CCSER1: variants seen among roughly 807,000 people sequenced by gnomAD.
CCSER1 encodes serine-rich coiled-coil domain-containing protein 1.
CCSER1 carries 41 observed loss-of-function variants against 82.0 expected under a neutral mutation model. That is an observed-to-expected ratio of 0.50 (90% CI 0.39 to 0.65). The LOEUF (loss-of-function observed/expected upper bound fraction) is 0.65, where lower values mean the gene tolerates loss of function less well. Ranked by LOEUF, CCSER1 falls within the 30% of genes least tolerant of loss-of-function variation. CCSER1 has a pLI of 0.00. For synonymous variants in CCSER1, 414 were observed against 383.9 expected, an observed-to-expected ratio of 1.08 and a Z score of -0.92; for missense variants, 1,119 against 1,064.2, an observed-to-expected ratio of 1.05 and a Z score of -0.72.
At position 90,258,908 on chromosome 4, in the gene CCSER1, G is replaced by T. The variant is rs144693111; in HGVS notation, c.-41-49336G>T. The stretch of plus-strand genomic sequence containing the variant: ...GCCTTGTAGTATAATTTGAAGTCTG[G>T]CAATGTGATACCTCCAGATTTGTTC... On this transcript the variant is annotated intron_variant, in intron 1 of 10. Transcript: ENST00000509176. 9.9e-5 allele frequency among the ~76,000 whole-genome samples: 15 copies of T among 152,164 alleles called. No individual in the cohort carries two copies. In the East Asian group the frequency reaches 2.7e-3, roughly 27 times the overall value.
chr4:91,001,548 G>A (rs574341178), intron 9 of CCSER1, among the ~76,000 whole-genome samples: 28 of 152,090 alleles, frequency 1.8e-4, no homozygotes, highest in African/African-American at 5.5e-4. Flanking sequence ...CCTCATATTT[G>A]TTTTGTCTGA....
At chr4:90,959,602 CTTTA>C (rs1447078466) in intron 9 of CCSER1, among the ~76,000 whole-genome samples, 1 of 152,056 alleles carries the variant, frequency 6.6e-6, no homozygotes, top group African/African-American at 2.4e-5. Context: ...AGTGCCCTCA[CTTTA>C]TTTATGAGAA....
intron 1 of CCSER1, among the ~76,000 whole-genome samples, chr4:90,190,187 C>A (rs1440541237): frequency 6.6e-6 from 1 of 151,952 alleles, no homozygotes. Context: ...TGAATTCAAC[C>A]ATCCAGCTCT....
intron 5 of CCSER1, among the ~76,000 whole-genome samples, chr4:90,523,000 C>A (rs925678561): frequency 6.6e-6 from 1 of 151,938 alleles, no homozygotes. Context: ...ATCATTTACC[C>A]CCCTCTTTAC....
intron 8 of CCSER1, among the ~76,000 whole-genome samples, chr4:90,862,618 G>A (rs931414520): frequency 6.6e-6 from 1 of 151,860 alleles, no homozygotes; most frequent in Non-Finnish European, 1.5e-5. Flanking sequence ...CTTCACATTA[G>A]TCCAGCAATT....
intron 3 of CCSER1, among the ~76,000 whole-genome samples, chr4:90,366,768 C>A (rs1746360119): frequency 6.6e-6 from 1 of 151,784 alleles, no homozygotes; most frequent in African/African-American, 2.4e-5. Context: ...CAGGAGATTT[C>A]ATTAATTTTG....
chr4:90,419,694 A>T (rs1756396302), intron 4 of CCSER1, among the ~76,000 whole-genome samples: 1 of 151,906 alleles, frequency 6.6e-6, no homozygotes, highest in Non-Finnish European at 1.5e-5. Context: ...GTGGCACACC[A>T]TTACTTTTTA....
At chr4:90,715,877 G>A (rs2149344501) in intron 6 of CCSER1, among the ~76,000 whole-genome samples, 1 of 151,932 alleles carries the variant, frequency 6.6e-6, no homozygotes, top group Non-Finnish European at 1.5e-5. Context: ...TAAATTTGCA[G>A]AAAATATAAG....
intron 10 of CCSER1, among the ~76,000 whole-genome samples, chr4:91,196,042 T>C (rs1225487521): frequency 6.6e-6 from 1 of 152,014 alleles, no homozygotes; most frequent in African/African-American, 2.4e-5. Context: ...AAAAAATTAG[T>C]CGGGTTCGGT....
chr4:90,454,082 T>A (rs1222288997), intron 4 of CCSER1, among the ~76,000 whole-genome samples: 5 of 152,174 alleles, frequency 3.3e-5, no homozygotes, highest in Admixed American at 2.0e-4. Flanking sequence ...AGGGTCAAGG[T>A]GGCTTTCTCA....
intron 5 of CCSER1, among the ~76,000 whole-genome samples, chr4:90,509,738 G>A (rs1291872219): frequency 6.6e-6 from 1 of 152,098 alleles, no homozygotes; most frequent in Non-Finnish European, 1.5e-5. Context: ...AATTACAGCA[G>A]AATGATGGTT....
chr4:90,763,532 G>A (rs1331519910), intron 7 of CCSER1, among the ~76,000 whole-genome samples: 2 of 152,090 alleles, frequency 1.3e-5, no homozygotes, highest in African/African-American at 4.8e-5. Context: ...AGTTTTGTCA[G>A]TGTCTTGATA....
chr4:91,164,334 C>T (rs1004690844), intron 10 of CCSER1, among the ~76,000 whole-genome samples: 1 of 152,112 alleles, frequency 6.6e-6, no homozygotes, highest in African/African-American at 2.4e-5. Flanking sequence ...TGTGGGTAAC[C>T]CGACCTTTCT....
At chr4:91,434,811 C>T (rs1409998266) in intron 10 of CCSER1, among the ~76,000 whole-genome samples, 1 of 152,180 alleles carries the variant, frequency 6.6e-6, no homozygotes, top group Non-Finnish European at 1.5e-5. Flanking sequence ...CCTCTTAGGT[C>T]AGGAGCCATT....
intron 10 of CCSER1, among the ~76,000 whole-genome samples, chr4:91,496,235 G>A (rs6823354): frequency 1.3e-5 from 2 of 151,268 alleles, no homozygotes; most frequent in Admixed American, 6.6e-5. Flanking sequence ...ATCATTAAAC[G>A]TATTGAAATA....
intron 9 of CCSER1, chr4:90,938,605 A>G: frequency 3.2e-6 from 1 of 314,706 alleles, no homozygotes; most frequent in Admixed American, 3.5e-5. Flanking sequence ...CATTTAAAAT[A>G]TTCATATTAA....
intron 7 of CCSER1, among the ~76,000 whole-genome samples, chr4:90,788,375 C>G (rs1332079306): frequency 6.6e-6 from 1 of 152,108 alleles, no homozygotes; most frequent in Non-Finnish European, 1.5e-5. Flanking sequence ...GTGGCTTAGA[C>G]AATGGAAATC....
chr4:90,376,631 G>A (rs1015418844), intron 3 of CCSER1, among the ~76,000 whole-genome samples: 1 of 152,110 alleles, frequency 6.6e-6, no homozygotes, highest in East Asian at 1.9e-4. Context: ...GTCTCTTATT[G>A]CTGCTCACAG....
chr4:91,359,336 G>C (rs200808314), intron 10 of CCSER1, among the ~76,000 whole-genome samples: 8 of 151,620 alleles, frequency 5.3e-5, no homozygotes, highest in Non-Finnish European at 1.0e-4. Context: ...CCTGGCGCCA[G>C]GCTGCCTGTC....
Sources: allele counts gnomAD v4.1 joint callset (sites outside exome capture counted in the v4.1 genomes callset), GRCh38; gene constraint gnomAD v4.1.1; transcripts MANE v1.5; gene names NCBI Gene and HGNC (gene_info 2026-07-23, HGNC 2026-07-21).